The following INPP5D variants were observed in gnomAD, a reference collection of about 807,000 sequenced individuals.
INPP5D encodes the protein inositol polyphosphate-5-phosphatase D.
A neutral mutation model predicts 122.9 loss-of-function variants in INPP5D; 33 were observed. The observed-to-expected ratio is 0.27, with a 90% CI of 0.20 to 0.36. INPP5D has a LOEUF of 0.36. Ranked by LOEUF, INPP5D falls within the 10% of genes least tolerant of loss-of-function variation. The pLI is 1.00. For missense variants in INPP5D, 1,053 were observed against 1,412.7 expected, an observed-to-expected ratio of 0.75 and a Z score of 4.08; for synonymous variants, 584 against 576.2, an observed-to-expected ratio of 1.01 and a Z score of -0.19.
rs1328186454 is a variant in INPP5D, at chr2:233,204,660, C to A, written c.3510C>A (p.His1170Gln). The change falls in exon 26 of 27, where the codon CAC becomes CAA. Residue 1170 changes from histidine to glutamine, a missense_variant. Physicochemically the swap from His to Gln is conservative, Grantham distance 24 (BLOSUM62 0). This residue lies in a region of INPP5D where 417 missense variants were observed against 425.8 expected (regional missense o/e 0.98). Coordinates refer to ENST00000445964, the MANE Select transcript of INPP5D (RefSeq NM_001017915.3). ...GCGACAACACCGAGCTCCCGCATCA[C>A]GGCAAGCACCGGCCGGAGGAGGGGC... ...DYRDNTELPH[H>Q]GKHRPEEGPP... is the part of the protein sequence containing the mutation. 2 of 1,577,706 alleles carry A rather than the reference C, an allele frequency of 1.3e-6. No homozygotes were observed. Among genetic ancestry groups the A allele is most frequent in the East Asian group, 2.3e-5 (1 of 43,392 alleles).
chr2:233,116,256 T>TAGATAGATAGATAGATAGATAG (rs1349467023), intron 2 of INPP5D, among the ~76,000 whole-genome samples: 2 of 121,928 alleles, frequency 1.6e-5, no homozygotes, highest in Non-Finnish European at 3.4e-5. Context: ...TAGATAGATA[T>TAGATAGATAGATAGATAGATAG]AGATATAGAT....
intron 2 of INPP5D, among the ~76,000 whole-genome samples, chr2:233,110,587 A>G (rs1692596925): frequency 6.6e-6 from 1 of 152,146 alleles, no homozygotes; most frequent in African/African-American, 2.4e-5. Context: ...TAGGTTACAT[A>G]GGCTGATTTT....
At chr2:233,075,536 CACAT>C (rs1477415270) in intron 1 of INPP5D, among the ~76,000 whole-genome samples, 3 of 152,062 alleles carry the variant, frequency 2.0e-5, no homozygotes, top group East Asian at 1.9e-4. Context: ...TGTACATACA[CACAT>C]GCATGCATGC....
At chr2:233,176,057 T>G (rs1025468438) in intron 17 of INPP5D, among the ~76,000 whole-genome samples, 2 of 152,152 alleles carry the variant, frequency 1.3e-5, no homozygotes, top group Non-Finnish European at 2.9e-5. Flanking sequence ...ATGACAGAGA[T>G]AAGCTCTTTC....
At chr2:233,201,148 TGGAG>T (rs1266017723) in intron 25 of INPP5D, among the ~76,000 whole-genome samples, 1 of 152,038 alleles carries the variant, frequency 6.6e-6, no homozygotes, top group Non-Finnish European at 1.5e-5. Flanking sequence ...CTAAGAAACT[TGGAG>T]GGAGGAGAAA....
intron 6 of INPP5D, 91 bp from the exon 7 acceptor site, chr2:233,146,071 T>C (rs762892667): frequency 6.5e-5 from 46 of 703,546 alleles, no homozygotes; most frequent in Non-Finnish European, 1.0e-4. Flanking sequence ...GAGGCTGGAA[T>C]GGGGTGAGGT....
At position 233,125,793 on chromosome 2, in the gene INPP5D, T is replaced by C. The variant is rs769747258; in HGVS notation, c.398T>C (p.Leu133Pro). 8 of 1,613,792 alleles carry C rather than the reference T, an allele frequency of 5.0e-6. No homozygotes were observed. The Admixed American group carries it at 1.3e-4, about 27-fold the overall frequency. The change falls in exon 4 of 27, where the codon CTG becomes CCG. Residue 133 changes from leucine (L) to proline (P), a missense_variant. Physicochemically the swap from Leu to Pro is moderately conservative, Grantham distance 98. Around this residue, in one of 6 missense-constraint regions of INPP5D, gnomAD observed 196 missense variants for 175.6 expected, o/e 1.12. Transcript: ENST00000445964. Reference sequence around the variant, plus strand: ...GAGCTGCCCCCAAGAAACATCCCGCTGACTGCCAGCTCCTGTGAGGCCAAG... The same window carrying C: ...GAGCTGCCCCCAAGAAACATCCCGCCGACTGCCAGCTCCTGTGAGGCCAAG... Reference protein sequence around the residue: ...PPELPPRNIPLTASSCEAKEV... With the variant: ...PPELPPRNIPPTASSCEAKEV...
At chr2:233,198,403 T>C in intron 25 of INPP5D, 27 bp downstream of exon 25, 1 of 1,588,566 alleles carries the variant, frequency 6.3e-7, no homozygotes. Flanking sequence ...TTAAGACGGC[T>C]CCCTCCCTCC....
intron 1 of INPP5D, among the ~76,000 whole-genome samples, chr2:233,068,914 C>G (rs1180813532): frequency 6.6e-6 from 1 of 152,116 alleles, no homozygotes; most frequent in Admixed American, 6.5e-5. Context: ...CACAGAGGCA[C>G]ACAGAGTGAA....
intron 1 of INPP5D, among the ~76,000 whole-genome samples, chr2:233,074,773 T>G (rs1263628246): frequency 6.6e-6 from 1 of 152,018 alleles, no homozygotes; most frequent in Non-Finnish European, 1.5e-5. Flanking sequence ...ACAAAAGGAT[T>G]TAAAAGCAAT....
In INPP5D at chr2:233,182,407, C is replaced by T. The variant is rs2106313680; in HGVS notation, c.2072-3C>T. The T allele has an allele frequency of 1.2e-6, 2 of 1,613,572 alleles. No homozygotes were observed. Among genetic ancestry groups the T allele is most frequent in the Non-Finnish European group, 1.7e-6 (2 of 1,179,616 alleles). ...GCTTAAAAATGCCTTCCCTCCCCTG[C>T]AGGCAGTACCAGCGACATCATGACG... On this transcript the variant is annotated splice_region_variant and splice_polypyrimidine_tract_variant and intron_variant, in intron 18 of 26. Coordinates refer to ENST00000445964, the MANE Select transcript of INPP5D (RefSeq NM_001017915.3).
At chr2:233,094,349 C>T (rs1300075625) in intron 2 of INPP5D, among the ~76,000 whole-genome samples, 1 of 151,288 alleles carries the variant, frequency 6.6e-6, no homozygotes, top group African/African-American at 2.4e-5. Context: ...CCCGTCTCTA[C>T]TAAAATTACA....
chr2:233,108,416 T>G (rs1321735667), intron 2 of INPP5D, among the ~76,000 whole-genome samples: 2 of 152,254 alleles, frequency 1.3e-5, no homozygotes, highest in African/African-American at 4.8e-5. Flanking sequence ...AAGCTGAAGA[T>G]ATCAAACCCA....
intron 2 of INPP5D, among the ~76,000 whole-genome samples, chr2:233,080,096 A>G (rs544639278): frequency 7.2e-5 from 11 of 152,050 alleles, no homozygotes; most frequent in Non-Finnish European, 1.6e-4. Context: ...TGCCCGGCTG[A>G]TTTTTGTATT....
At chr2:233,172,769 C>T (rs943917152) in intron 17 of INPP5D, among the ~76,000 whole-genome samples, 1 of 152,150 alleles carries the variant, frequency 6.6e-6, no homozygotes, top group Non-Finnish European at 1.5e-5. Flanking sequence ...TACACAAAGC[C>T]CACTTCAGTT....
chr2:233,163,216 G>A (rs567146535), intron 11 of INPP5D, among the ~76,000 whole-genome samples: 1 of 152,296 alleles, frequency 6.6e-6, no homozygotes, highest in East Asian at 1.9e-4. Flanking sequence ...ATGGGAATGC[G>A]GAGGAGTTTC....
At chr2:233,091,861 A>G (rs1692003276) in intron 2 of INPP5D, among the ~76,000 whole-genome samples, 1 of 152,212 alleles carries the variant, frequency 6.6e-6, no homozygotes, top group Non-Finnish European at 1.5e-5. Flanking sequence ...GACTCACGAG[A>G]GCCAAGACCT....
chr2:233,064,940 C>G lies in INPP5D; in HGVS notation c.134+4328C>G, dbSNP rs77826535. Among the ~76,000 whole-genome samples, 51 of 152,322 alleles carry G rather than the reference C, an allele frequency of 3.3e-4. 1 individual carries two copies. In the East Asian group the frequency reaches 9.6e-3, roughly 29 times the overall value. The stretch of plus-strand genomic sequence containing the variant: ...CACTATTTTTCATATCTGATATTGA[C>G]AGTCAGTGGGAAAAAATGCTGGCCC... On this transcript the variant is annotated intron_variant, in intron 1 of 26. Transcript: ENST00000445964.
chr2:233,163,717 C>G lies in INPP5D; in HGVS notation c.1251C>G (p.Pro417=), dbSNP rs937383716. ...FIGTWNMGNA[P]PPKKITSWFL... ...GTTTTGCTGTTGAAGGTAACGCCCC[C>G]CCTCCCAAGAAGATCACGTCCTGGT... Residue 417 remains proline, a synonymous_variant, in exon 12 of 27, where the codon CCC becomes CCG. Transcript: ENST00000445964. 4 of 1,613,656 alleles carry G rather than the reference C, an allele frequency of 2.5e-6. No homozygotes were observed. The African/African-American group carries it at 5.3e-5, about 22-fold the overall frequency.
Sources: allele counts gnomAD v4.1 joint callset (sites outside exome capture counted in the v4.1 genomes callset), GRCh38; gene constraint gnomAD v4.1.1; regional missense constraint gnomAD v4.1.1; transcripts MANE v1.5; gene names NCBI Gene and HGNC (gene_info 2026-07-23, HGNC 2026-07-21).